The following TAOK1 variants were observed in gnomAD, a reference collection of about 807,000 sequenced individuals.
TAOK1 encodes TAO kinase 1.
Under a neutral mutation model 138.3 loss-of-function variants are expected in TAOK1, and 21 were observed. The observed-to-expected ratio is 0.15, with a 90% CI of 0.11 to 0.22. The LOEUF (loss-of-function observed/expected upper bound fraction) is 0.22, where lower values mean the gene tolerates loss of function less well. TAOK1 is among the 10% of genes least tolerant of loss of function. TAOK1 has a pLI of 1.00. For missense variants in TAOK1, 651 were observed against 1,227.7 expected, an observed-to-expected ratio of 0.53 and a Z score of 7.02; for synonymous variants, 361 against 398.4, an observed-to-expected ratio of 0.91 and a Z score of 1.12.
intron 1 of TAOK1, among the ~76,000 whole-genome samples, chr17:29,430,314 C>G (rs979282451): frequency 1.3e-5 from 2 of 152,218 alleles, no homozygotes; most frequent in Non-Finnish European, 2.9e-5. Context: ...TTGGCCACTT[C>G]ATGCTCACCT....
chr17:29,429,625 T>C (rs1905763067), intron 1 of TAOK1, among the ~76,000 whole-genome samples: 1 of 152,212 alleles, frequency 6.6e-6, no homozygotes. Flanking sequence ...TTGTCAATGC[T>C]AACAAGTTAA....
At chr17:29,491,984 A>G in intron 10 of TAOK1, 119 bp downstream of exon 10, 1 of 675,542 alleles carries the variant, frequency 1.5e-6, no homozygotes, top group Non-Finnish European at 2.5e-6. Context: ...TCCCAGGCTC[A>G]AGCGATCCTC....
In TAOK1 at chr17:29,546,171, T is replaced by C. The variant is rs951757744; in HGVS notation, c.*3149T>C. On this transcript the variant is annotated 3_prime_UTR_variant, in exon 20 of 20. Coordinates refer to ENST00000261716, the MANE Select transcript of TAOK1 (RefSeq NM_020791.4). ...TATATTTTCAGAGCTGCAATTCTTATTCGCCATTTCAATACCTAGAGATAG... is the reference window on the plus strand; with the variant it reads ...TATATTTTCAGAGCTGCAATTCTTACTCGCCATTTCAATACCTAGAGATAG... 1.3e-5 allele frequency: 2 copies of C among 152,158 alleles called. No individual in the cohort carries two copies. The highest frequency in any genetic ancestry group is 4.8e-5 in the African/African-American group (2 of 41,462). 9.4% of individuals were successfully genotyped at this position (152,158 alleles called of 1,614,324 possible).
chr17:29,405,710 C>T (rs148244628), intron 1 of TAOK1, among the ~76,000 whole-genome samples: 2,580 of 151,962 alleles, frequency 0.017, 29 homozygotes, highest in Middle Eastern at 0.034. Flanking sequence ...ACCTGGGAGG[C>T]GGAGTTTGCA....
chr17:29,530,335 T>C, intron 17 of TAOK1, 72 bp from the exon 18 acceptor site: 1 of 1,306,206 alleles, frequency 7.7e-7, no homozygotes, highest in Non-Finnish European at 1.1e-6. Context: ...TTTATTTTCA[T>C]GTATGTAAGC....
At chr17:29,518,006 C>T (rs2031848390) in intron 16 of TAOK1, among the ~76,000 whole-genome samples, 1 of 152,128 alleles carries the variant, frequency 6.6e-6, no homozygotes. Context: ...CAGGTGTGCA[C>T]CACCACACCC....
intron 12 of TAOK1, among the ~76,000 whole-genome samples, chr17:29,501,063 A>AT (rs2153028526): frequency 6.6e-6 from 1 of 152,002 alleles, no homozygotes; most frequent in South Asian, 2.1e-4. Flanking sequence ...GCTGTACAAC[A>AT]TTGAGAGTAT....
intron 1 of TAOK1, among the ~76,000 whole-genome samples, chr17:29,411,313 G>A (rs1165605650): frequency 6.6e-6 from 1 of 150,872 alleles, no homozygotes; most frequent in East Asian, 2.0e-4. Flanking sequence ...GGATGGTCTC[G>A]ATCTCCTGAC....
chr17:29,534,017 G>A (rs2032178891), intron 18 of TAOK1, 101 bp from the exon 19 acceptor site: 1 of 1,263,182 alleles, frequency 7.9e-7, no homozygotes, highest in African/African-American at 1.5e-5. Context: ...CTAAAAAAGA[G>A]TAGTCTGTCT....
At chr17:29,484,041 A>G (rs2031118556) in intron 8 of TAOK1, among the ~76,000 whole-genome samples, 1 of 152,140 alleles carries the variant, frequency 6.6e-6, no homozygotes, top group Admixed American at 6.6e-5. Context: ...ATATTTTAAG[A>G]TTTATTTGAT....
At chr17:29,533,898 A>G (rs2032177076) in intron 18 of TAOK1, among the ~76,000 whole-genome samples, 1 of 151,986 alleles carries the variant, frequency 6.6e-6, no homozygotes. Context: ...TTATTCAGGC[A>G]TCTTCCAAAT....
intron 1 of TAOK1, among the ~76,000 whole-genome samples, chr17:29,397,705 A>G (rs1388944169): frequency 4.3e-5 from 4 of 93,192 alleles, no homozygotes; most frequent in East Asian, 1.8e-3. Context: ...ATGTATGCAT[A>G]CATGAATATA....
At chr17:29,405,704 G>A (rs1236338576) in intron 1 of TAOK1, among the ~76,000 whole-genome samples, 4 of 152,190 alleles carry the variant, frequency 2.6e-5, no homozygotes, top group Non-Finnish European at 5.9e-5. Flanking sequence ...GCTTGAACCT[G>A]GGAGGCGGAG....
At chr17:29,499,165 G>A (rs906643828) in intron 12 of TAOK1, among the ~76,000 whole-genome samples, 1 of 151,538 alleles carries the variant, frequency 6.6e-6, no homozygotes, top group South Asian at 2.1e-4. Context: ...CCTTTGGGGA[G>A]TGAGAAATGG....
intron 16 of TAOK1, among the ~76,000 whole-genome samples, chr17:29,519,100 G>A (rs559801614): frequency 8.9e-4 from 135 of 152,228 alleles, no homozygotes; most frequent in Non-Finnish European, 1.4e-3. Context: ...TCACTGGGCA[G>A]TTTTTGCCTC....
intron 2 of TAOK1, among the ~76,000 whole-genome samples, chr17:29,455,853 T>C (rs1555561747): frequency 6.6e-6 from 1 of 150,400 alleles, no homozygotes; most frequent in Non-Finnish European, 1.5e-5. Context: ...TTTAATATGC[T>C]CTAGGTTTCT....
intron 8 of TAOK1, among the ~76,000 whole-genome samples, chr17:29,487,715 AT>A (rs1175931778): frequency 6.6e-6 from 1 of 152,234 alleles, no homozygotes; most frequent in Non-Finnish European, 1.5e-5. Context: ...ATCAAAATAA[AT>A]GATATAACTT....
At chr17:29,396,203 G>T (rs891845649) in intron 1 of TAOK1, among the ~76,000 whole-genome samples, 8 of 152,056 alleles carry the variant, frequency 5.3e-5, no homozygotes, top group Admixed American at 3.9e-4. Context: ...CAGCTGGGAC[G>T]TTTCTGTCAT....
chr17:29,542,527 A>T (rs2032334363), intron 19 of TAOK1, 34 bp from the exon 20 acceptor site: 1 of 1,518,820 alleles, frequency 6.6e-7, no homozygotes, highest in Admixed American at 2.2e-5. Context: ...AAAAATAATA[A>T]ATTGGCTTTC....
Sources: gnomAD v4.1 joint callset for allele counts (sites outside exome capture counted in the v4.1 genomes callset) on GRCh38, gnomAD v4.1.1 for gene constraint, MANE v1.5 for transcripts, NCBI Gene and HGNC (gene_info 2026-07-23, HGNC 2026-07-21) for gene names.